LIPH: variants seen among roughly 807,000 people sequenced by gnomAD.
LIPH encodes the protein lipase H, also known as lipase member H.
A neutral mutation model predicts 47.6 loss-of-function variants in LIPH; 32 were observed. The observed-to-expected ratio is 0.67, with a 90% CI of 0.51 to 0.90. The LOEUF (loss-of-function observed/expected upper bound fraction) is 0.90. Among genes scored for constraint, LIPH ranks in the 40% least tolerant of loss-of-function variants. The pLI is 0.00. For missense variants in LIPH, 497 were observed against 541.4 expected (o/e 0.92, Z 0.81); for synonymous variants, 190 against 195.6 (o/e 0.97, Z 0.24).
chr3:185,513,644 T>C (rs888769654), intron 8 of LIPH, among the ~76,000 whole-genome samples: 1 of 152,178 alleles, frequency 6.6e-6, no homozygotes, highest in African/African-American at 2.4e-5. Flanking sequence ...ATAGCAGCAC[T>C]AGTCACAATA....
chr3:185,535,328 G>A (rs1383146126), intron 1 of LIPH, among the ~76,000 whole-genome samples, 196 bp from the exon 2 acceptor site: 1 of 152,160 alleles, frequency 6.6e-6, no homozygotes, highest in African/African-American at 2.4e-5. Flanking sequence ...CCAAGCTGGA[G>A]TGCAGTGGCG....
At chr3:185,547,250 G>A (rs1720904844) in intron 1 of LIPH, among the ~76,000 whole-genome samples, 1 of 152,120 alleles carries the variant, frequency 6.6e-6, no homozygotes, top group African/African-American at 2.4e-5. Context: ...AAATTCTGTA[G>A]GACATGTAGA....
At chr3:185,549,931 G>T (rs773563449) in intron 1 of LIPH, among the ~76,000 whole-genome samples, 1 of 152,176 alleles carries the variant, frequency 6.6e-6, no homozygotes, top group Non-Finnish European at 1.5e-5. Flanking sequence ...TTTGGAGGTG[G>T]AGTCTGCATT....
intron 1 of LIPH, among the ~76,000 whole-genome samples, chr3:185,544,804 G>A (rs1189171196): frequency 6.6e-6 from 1 of 152,116 alleles, no homozygotes; most frequent in Non-Finnish European, 1.5e-5. Flanking sequence ...CAAGAACAGG[G>A]CCTGGTTCAG....
chr3:185,511,495 C>A, intron 9 of LIPH, 29 bp downstream of exon 9: 1 of 1,610,062 alleles, frequency 6.2e-7, no homozygotes, highest in Non-Finnish European at 8.5e-7. Flanking sequence ...TGGAAAACAG[C>A]GTTTTGTCAA....
In LIPH at chr3:185,522,617, GAGAA is replaced by G. The variant is rs966367145; in HGVS notation, c.718+1450_718+1453del. ...AGAAAAAAGAAGGAAGGGAGGGAGA[GAGAA>G]AGAAAGAAGGAAAAGAAAGAGAGAA... On this transcript the variant is annotated intron_variant, in intron 5 of 9. Coordinates refer to ENST00000296252, the MANE Select transcript of LIPH (RefSeq NM_139248.3). Among the ~76,000 whole-genome samples the G allele has an allele frequency of 2.4e-4, 32 of 135,778 alleles. No individual in the cohort carries two copies. In the South Asian group the frequency reaches 3.3e-3, roughly 14 times the overall value. 89.1% of individuals were successfully genotyped at this position (135,778 alleles called of 152,430 possible).
chr3:185,544,039 C>T (rs1577689958), intron 1 of LIPH, among the ~76,000 whole-genome samples: 5 of 152,024 alleles, frequency 3.3e-5, no homozygotes, highest in Admixed American at 1.3e-4. Flanking sequence ...TTAGTAGAGA[C>T]AGGGTTTCAC....
In LIPH at chr3:185,508,553, T is replaced by C; in HGVS notation, c.*237A>G. 1 of 533,970 alleles carries C rather than the reference T, an allele frequency of 1.9e-6. No homozygotes were observed. Among genetic ancestry groups the C allele is most frequent in the Non-Finnish European group, 3.4e-6 (1 of 296,786 alleles). 33.1% of individuals were successfully genotyped at this position (533,970 alleles called of 1,614,324 possible). ...CCCCAGGACACAGCAGACACAGCGC[T>C]GCGCTGCTGCGAGCCTGGCTATTTC... On this transcript the variant is annotated 3_prime_UTR_variant, in exon 10 of 10. Coordinates refer to ENST00000296252, the MANE Select transcript of LIPH (RefSeq NM_139248.3).
At chr3:185,552,295 C>A (rs1577696947) in intron 1 of LIPH, 128 bp downstream of exon 1, 81 of 468,390 alleles carry the variant, frequency 1.7e-4, no homozygotes, top group Non-Finnish European at 1.9e-4. Flanking sequence ...CTTCCTATAT[C>A]TTTTTCCTTA....
chr3:185,521,269 G>A (rs1359261227), intron 5 of LIPH, among the ~76,000 whole-genome samples: 1 of 152,182 alleles, frequency 6.6e-6, no homozygotes, highest in African/African-American at 2.4e-5. Context: ...CTATTATGCT[G>A]TTCTGAACTG....
At chr3:185,513,374 A>G (rs1254197937) in intron 8 of LIPH, among the ~76,000 whole-genome samples, 2 of 151,916 alleles carry the variant, frequency 1.3e-5, no homozygotes, top group East Asian at 3.8e-4. Context: ...TGTTCAAAAG[A>G]CACAGAATCA....
rs1174949659 is a variant in LIPH, at chr3:185,506,626, C to G, written c.*2164G>C. On this transcript the variant is annotated 3_prime_UTR_variant, in exon 10 of 10. Transcript: ENST00000296252. Reference sequence around the variant, plus strand: ...TTGAGAGGCCAAGGCCAGTGGATCACAAGGTCAGGAGTTCAAGGCCAAGAT... The same window carrying G: ...TTGAGAGGCCAAGGCCAGTGGATCAGAAGGTCAGGAGTTCAAGGCCAAGAT... 6.6e-6 allele frequency: 1 copy of G among 152,084 alleles called. No individual in the cohort carries two copies. The highest frequency in any genetic ancestry group is 1.9e-4 in the East Asian group (1 of 5,184). The allele number at this position is 152,084 out of a possible 1,614,324, so 9.4% of individuals were successfully genotyped here.
Position 185,514,489 on chromosome 3 carries a change from TC to T in LIPH, c.1014del (p.Trp338Ter). On this transcript the variant is annotated frameshift_variant, in exon 8 of 10. Coordinates refer to ENST00000296252, the MANE Select transcript of LIPH (RefSeq NM_139248.3). ...MYHYFVDIIT[W>X]NKNVRRGDIT... is the part of the protein sequence containing the mutation. ...ATGTCCCCTCTTCTTACATTCTTGT[TC>T]CATGTTATAATATCCACAAAGTAAT... 1 of 1,546,904 alleles carries T rather than the reference TC, an allele frequency of 6.5e-7. No homozygotes were observed. The highest frequency in any genetic ancestry group is 8.9e-7 in the Non-Finnish European group (1 of 1,118,638).
In LIPH at chr3:185,542,706, T is replaced by C. The variant is rs111478759; in HGVS notation, c.50-7574A>G. Among the ~76,000 whole-genome samples the C allele has an allele frequency of 8.6e-3, 1,315 of 152,280 alleles. 22 individuals carry two copies. The highest frequency in any genetic ancestry group is 0.03 in the African/African-American group (1,259 of 41,558). Reference sequence around the variant, plus strand: ...AGCACTATTCACAATAGCAAAGATATGGAATCAACCTAAGTGTCTCTCAAC... The same window carrying C: ...AGCACTATTCACAATAGCAAAGATACGGAATCAACCTAAGTGTCTCTCAAC... On this transcript the variant is annotated intron_variant, in intron 1 of 9. Transcript: ENST00000296252.
rs1402703155 is a variant in LIPH, at chr3:185,525,171, G to A, written c.629-1011C>T. Among the ~76,000 whole-genome samples, 3 of 152,116 alleles carry A rather than the reference G, an allele frequency of 2.0e-5. No individual in the cohort carries two copies. In the East Asian group the frequency reaches 5.8e-4, roughly 29 times the overall value. The stretch of plus-strand genomic sequence containing the variant: ...GGAGGGTGCCGTGAGCCAAAAGCGC[G>A]ACTGCATTCCAGCCTGGGTGACAGA... On this transcript the variant is annotated intron_variant, in intron 4 of 9. Coordinates refer to ENST00000296252, the MANE Select transcript of LIPH (RefSeq NM_139248.3).
chr3:185,524,194 T>C (rs1363889465), intron 4 of LIPH, 34 bp from the exon 5 acceptor site: 1 of 1,310,876 alleles, frequency 7.6e-7, no homozygotes. Context: ...TTATACTCCT[T>C]TGAATTTTTC....
At chr3:185,536,996 T>C (rs777587098) in intron 1 of LIPH, among the ~76,000 whole-genome samples, 13 of 152,198 alleles carry the variant, frequency 8.5e-5, no homozygotes, top group Non-Finnish European at 1.8e-4. Flanking sequence ...GCGATTCTCC[T>C]GCCTCAGCCT....
rs547786719 is a variant in LIPH at position 185,546,636 on chromosome 3, G to GA, written c.49+5786dup. Reference sequence around the variant, plus strand: ...ACAATAAGGTGAGACCCTGTCTCTAGAAAAAATCAAAAAGTTAGCTGGGCG... The same window carrying GA: ...ACAATAAGGTGAGACCCTGTCTCTAGAAAAAAATCAAAAAGTTAGCTGGGCG... On this transcript the variant is annotated intron_variant, in intron 1 of 9. Transcript: ENST00000296252. Among the ~76,000 whole-genome samples the GA allele has an allele frequency of 2.8e-3, 430 of 152,200 alleles. 2 individuals carry two copies. Among genetic ancestry groups the GA allele is most frequent in the African/African-American group, 9.6e-3 (397 of 41,540 alleles).
chr3:185,528,360 G>C (rs1020034366), intron 3 of LIPH, among the ~76,000 whole-genome samples: 3 of 16,126 alleles, frequency 1.9e-4, no homozygotes, highest in Non-Finnish European at 4.4e-4. Flanking sequence ...GAAAGAAAGC[G>C]CTATACTCAT....
Sources: gnomAD v4.1 joint callset for allele counts (sites outside exome capture counted in the v4.1 genomes callset) on GRCh38, gnomAD v4.1.1 for gene constraint, MANE v1.5 for transcripts, NCBI Gene and HGNC (gene_info 2026-07-23, HGNC 2026-07-21) for gene names.